EVC2: variants seen among roughly 807,000 people sequenced by gnomAD.
EVC2 encodes the protein limbin.
Under a neutral mutation model 149.3 loss-of-function variants are expected in EVC2, and 148 were observed. The observed-to-expected ratio is 0.99, with a 90% CI of 0.87 to 1.14. EVC2 has a LOEUF of 1.14. Ranked by LOEUF, EVC2 falls within the 50% of genes most tolerant of loss-of-function variation. The pLI, the probability that EVC2 is intolerant of heterozygous loss-of-function variation, is 0.00. For synonymous variants in EVC2, 776 were observed against 649.9 expected, an observed-to-expected ratio of 1.19 and a Z score of -2.95; for missense variants, 1,854 against 1,627.3, an observed-to-expected ratio of 1.14 and a Z score of -2.40.
intron 16 of EVC2, among the ~76,000 whole-genome samples, chr4:5,612,622 A>C (rs899308532): frequency 6.6e-6 from 1 of 152,100 alleles, no homozygotes; most frequent in East Asian, 1.9e-4. Flanking sequence ...GAGGAGATGG[A>C]TTAGAAATAA....
intron 17 of EVC2, among the ~76,000 whole-genome samples, chr4:5,581,474 A>AC (rs1371652135): frequency 1.3e-5 from 2 of 152,240 alleles, no homozygotes; most frequent in African/African-American, 4.8e-5. Flanking sequence ...GCTTTAGCAA[A>AC]CAGACTGGTG....
intron 16 of EVC2, among the ~76,000 whole-genome samples, chr4:5,592,864 A>G (rs550413279): frequency 1.3e-5 from 2 of 152,260 alleles, no homozygotes; most frequent in South Asian, 4.1e-4. Context: ...AAGGGATGTG[A>G]TATGGTTTGG....
chr4:5,616,724 G>A lies in EVC2; in HGVS notation c.2707-1180C>T, dbSNP rs76616617. Among the ~76,000 whole-genome samples the A allele has an allele frequency of 2.9e-3, 445 of 152,332 alleles. 1 individual carries two copies. The highest frequency in any genetic ancestry group is 0.01 in the African/African-American group (422 of 41,582). On this transcript the variant is annotated intron_variant, in intron 15 of 21. Coordinates refer to ENST00000344408, the MANE Select transcript of EVC2 (RefSeq NM_147127.5). ...CTATCTCGGGACTGAGCAAGCGAAG[G>A]GAGCTGCGGCTCCATCCGTGCAAAA...
chr4:5,533,209 G>A, the EVC2 span, among the ~76,000 whole-genome samples: 1 of 152,066 alleles, frequency 6.6e-6, no homozygotes, highest in Non-Finnish European at 1.5e-5. Context: ...GGGAGGAGGT[G>A]GGGTTGCGAT....
downstream of EVC2, among the ~76,000 whole-genome samples, chr4:5,559,980 C>T (rs1421535110): frequency 1.3e-5 from 2 of 152,086 alleles, no homozygotes; most frequent in African/African-American, 4.8e-5. The surrounding 1 kb of genome is among the most constrained non-coding windows in gnomAD (Gnocchi z 5.0). Flanking sequence ...CTGTCCCCAA[C>T]TGACCCCTGC....
intron 1 of EVC2, among the ~76,000 whole-genome samples, chr4:5,700,483 C>T (rs1361813375): frequency 6.6e-6 from 1 of 152,196 alleles, no homozygotes; most frequent in Non-Finnish European, 1.5e-5. Flanking sequence ...GCAAAGCAGA[C>T]CTGGCCCCTG....
chr4:5,703,181 T>G (rs189031159), intron 1 of EVC2, among the ~76,000 whole-genome samples: 1 of 152,232 alleles, frequency 6.6e-6, no homozygotes, highest in Non-Finnish European at 1.5e-5. Context: ...AGTGCTTCTT[T>G]TTGCTTAAAG....
chr4:5,663,331 G>C (rs1445091824), intron 8 of EVC2, 85 bp from the exon 9 acceptor site: 1 of 1,586,462 alleles, frequency 6.3e-7, no homozygotes, highest in African/African-American at 1.3e-5. Flanking sequence ...AAGGCCAGGG[G>C]TCTGCAGTCT....
At chr4:5,538,020 T>A (rs1721451295), downstream of EVC2, among the ~76,000 whole-genome samples, 1 of 133,316 alleles carries the variant, frequency 7.5e-6, no homozygotes, top group African/African-American at 2.9e-5. Context: ...AAAAGATCAG[T>A]AAAATTGATA....
At position 5,618,478 on chromosome 4, in the gene EVC2, C is replaced by T. The variant is rs771222380; in HGVS notation, c.2706G>A (p.Gln902=). The change falls in exon 15 of 22, where the codon CAG becomes CAA. Residue 902 remains glutamine (Q), a splice_region_variant and synonymous_variant. Transcript: ENST00000344408. The surrounding 1 kb of genome is among the most constrained non-coding windows in gnomAD (Gnocchi z 4.4). ...TCGGCCACTGACAGGTCCATCCTACCTGCAGCTCAGGGGCAGCCACGGCCT... is the reference window on the plus strand; with the variant it reads ...TCGGCCACTGACAGGTCCATCCTACTTGCAGCTCAGGGGCAGCCACGGCCT... ...LDQAVAAPEL[Q]QQSKVRKSRS... is the part of the protein sequence containing the mutation. 2 of 1,612,788 alleles carry T rather than the reference C, an allele frequency of 1.2e-6. No homozygotes were observed. The highest frequency in any genetic ancestry group is 1.7e-5 in the Admixed American group (1 of 60,030).
intron 16 of EVC2, among the ~76,000 whole-genome samples, chr4:5,612,197 T>C (rs1055607668): frequency 1.3e-5 from 2 of 152,192 alleles, no homozygotes; most frequent in Non-Finnish European, 2.9e-5. Flanking sequence ...TTAAATCTCT[T>C]TATTTTATTC....
rs1298155736 is a variant in EVC2, at chr4:5,657,658, C to G, written c.1145+5449G>C. Among the ~76,000 whole-genome samples, 2 of 150,888 alleles carry G rather than the reference C, an allele frequency of 1.3e-5. No homozygotes were observed. Among genetic ancestry groups the G allele is most frequent in the African/African-American group, 4.9e-5 (2 of 40,904 alleles). On this transcript the variant is annotated intron_variant, in intron 9 of 21. Transcript: ENST00000344408. This position sits in a 1 kb window ranked among gnomAD's most constrained non-coding sequence, Gnocchi z 4.7. ...ACTGTTGGAGGCACTGGGGATGAAT[C>G]AGCAAGCAAGACAGAAGGTCCCTGC...
rs547841266 is a variant in EVC2, at chr4:5,613,440, G to T, written c.2829+1982C>A. On this transcript the variant is annotated intron_variant, in intron 16 of 21. Transcript: ENST00000344408. The surrounding 1 kb of genome is among the most constrained non-coding windows in gnomAD (Gnocchi z 4.6). The stretch of plus-strand genomic sequence containing the variant: ...CAAAGCAGCCGGTACTCAGGGAAAT[G>T]CTCCCTCTACCCCCGAGTATGGCTA... Among the ~76,000 whole-genome samples the T allele has an allele frequency of 6.6e-6, 1 of 152,298 alleles. No individual in the cohort carries two copies. The highest frequency in any genetic ancestry group is 2.1e-4 in the South Asian group (1 of 4,820).
chr4:5,572,292 T>C (rs1054550850), intron 19 of EVC2, among the ~76,000 whole-genome samples: 1 of 152,362 alleles, frequency 6.6e-6, no homozygotes, highest in East Asian at 1.9e-4. Context: ...CAGAGTGCTA[T>C]TGTTTGAACA....
At chr4:5,680,577 T>C (rs1015433039) in intron 7 of EVC2, among the ~76,000 whole-genome samples, 1 of 152,160 alleles carries the variant, frequency 6.6e-6, no homozygotes, top group African/African-American at 2.4e-5. Flanking sequence ...CGGGGGTGGG[T>C]GTTGGGGACC....
Position 5,640,183 on chromosome 4 carries a change from G to A in EVC2, c.1470+331C>T, listed in dbSNP as rs1717215765. ...CATGGATGGGAGGGTGGATAAATGA[G>A]TAGGTGGATGAACAGACAGATGGAT... On this transcript the variant is annotated intron_variant, in intron 10 of 21. Transcript: ENST00000344408. This position sits in a 1 kb window ranked among gnomAD's most constrained non-coding sequence, Gnocchi z 4.6. Among the ~76,000 whole-genome samples, 1 of 151,972 alleles carries A rather than the reference G, an allele frequency of 6.6e-6. No homozygotes were observed. Among genetic ancestry groups the A allele is most frequent in the African/African-American group, 2.4e-5 (1 of 41,386 alleles).
At chr4:5,581,752 G>A (rs1192552097) in intron 17 of EVC2, among the ~76,000 whole-genome samples, 5 of 152,148 alleles carry the variant, frequency 3.3e-5, no homozygotes, top group Non-Finnish European at 7.3e-5. Context: ...AGAACTTCAC[G>A]GCAGCCCTTT....
exon 22 of EVC2, chr4:5,543,179 C>T (rs1721548972): frequency 2.3e-6 from 3 of 1,289,788 alleles, no homozygotes; most frequent in South Asian, 1.2e-5. Flanking sequence ...GAGTCCCTAC[C>T]AGGTACTGCC....
At chr4:5,671,058 C>T (rs919926667) in intron 7 of EVC2, among the ~76,000 whole-genome samples, 2 of 152,204 alleles carry the variant, frequency 1.3e-5, no homozygotes, top group Admixed American at 1.3e-4. Flanking sequence ...TACTAAGCAC[C>T]AGGGATGGAT....
Sources: gnomAD v4.1 joint callset for allele counts (sites outside exome capture counted in the v4.1 genomes callset) on GRCh38, gnomAD v4.1.1 for gene constraint, Gnocchi (gnomAD v3.1) non-coding constraint, MANE v1.5 for transcripts, NCBI Gene and HGNC (gene_info 2026-07-23, HGNC 2026-07-21) for gene names.